Variants in MFHAS1 observed in about 807,000 individuals in gnomAD.
The protein encoded by MFHAS1 is multifunctional ROCO family signaling regulator 1.
A neutral mutation model predicts 70.4 loss-of-function variants in MFHAS1; 50 were observed. The observed-to-expected ratio is 0.71, with a 90% CI of 0.57 to 0.90. The LOEUF is 0.90. Ranked by LOEUF, MFHAS1 falls within the 40% of genes least tolerant of loss-of-function variation. The pLI, the probability that MFHAS1 is intolerant of heterozygous loss-of-function variation, is 0.00. For synonymous variants in MFHAS1, 952 were observed against 620.0 expected, an observed-to-expected ratio of 1.54 and a Z score of -7.96; for missense variants, 1,795 against 1,347.6, an observed-to-expected ratio of 1.33 and a Z score of -5.20.
At chr8:8,841,956 C>G (rs1300129533) in intron 1 of MFHAS1, among the ~76,000 whole-genome samples, 1 of 152,216 alleles carries the variant, frequency 6.6e-6, no homozygotes, top group Admixed American at 6.5e-5. Context: ...ATAAAAACCC[C>G]TACTCAGTCT....
At chr8:8,877,439 G>GTAAT (rs1388927290) in intron 1 of MFHAS1, among the ~76,000 whole-genome samples, 2 of 152,068 alleles carry the variant, frequency 1.3e-5, no homozygotes, top group African/African-American at 4.8e-5. Context: ...CAATAAAATG[G>GTAAT]TAATTGTGTC....
chr8:8,794,840 C>T (rs189853351), intron 2 of MFHAS1, among the ~76,000 whole-genome samples: 196 of 152,252 alleles, frequency 1.3e-3, no homozygotes, highest in Admixed American at 2.0e-3. Flanking sequence ...CATGTACCGC[C>T]GCTTACCCAT....
In MFHAS1 at chr8:8,892,318, G is replaced by C. The variant is rs531594559; in HGVS notation, c.741C>G (p.Cys247Trp). 1 of 1,612,134 alleles carries C rather than the reference G, an allele frequency of 6.2e-7. No homozygotes were observed. The highest frequency in any genetic ancestry group is 8.5e-7 in the Non-Finnish European group (1 of 1,180,002). ...AELGTLPAGF[C>W]ELASLESLML... ...TGAGGCTCTCCAAACTGGCCAGCTC[G>C]CAGAAGCCGGCGGGCAGCGTGCCAA... is the stretch of plus-strand genomic sequence containing the variant. The change falls in exon 1 of 3, where the codon TGC (cysteine) becomes TGG (tryptophan). Residue 247 changes from cysteine to tryptophan, a missense_variant. Transcript: ENST00000276282. The surrounding 1 kb of genome is among the most constrained non-coding windows in gnomAD (Gnocchi z 4.7).
intron 1 of MFHAS1, among the ~76,000 whole-genome samples, chr8:8,878,497 A>T (rs922024551): frequency 7.9e-5 from 12 of 152,196 alleles, no homozygotes; most frequent in African/African-American, 2.4e-4. Flanking sequence ...CTCCAAAAAT[A>T]GGGAGACTGA....
Position 8,891,490 on chromosome 8 carries a change from G to T in MFHAS1, c.1569C>A (p.Val523=). 1 of 1,613,062 alleles carries T rather than the reference G, an allele frequency of 6.2e-7. No individual in the cohort carries two copies. Among genetic ancestry groups the T allele is most frequent in the East Asian group, 2.2e-5 (1 of 44,874 alleles). Residue 523 remains valine, a synonymous_variant, in exon 1 of 3, where the codon GTC becomes GTA. Coordinates refer to ENST00000276282, the MANE Select transcript of MFHAS1 (RefSeq NM_004225.3). This position sits in a 1 kb window ranked among gnomAD's most constrained non-coding sequence, Gnocchi z 5.4. ...CCACCGCGTGGGGCACTCTCGCCCC[G>T]ACCCGATGCAAGAAGGAGCCCACGG... The part of the protein sequence containing the change: ...PTTVGSFLHR[V]GARVPHAVVC...
chr8:8,801,982 G>C (rs1420544968), intron 1 of MFHAS1, among the ~76,000 whole-genome samples: 1 of 152,234 alleles, frequency 6.6e-6, no homozygotes. Flanking sequence ...TATCAGAATG[G>C]AGAACGATGC....
intron 1 of MFHAS1, among the ~76,000 whole-genome samples, chr8:8,870,601 G>C (rs962448091): frequency 6.6e-6 from 1 of 152,094 alleles, no homozygotes; most frequent in Non-Finnish European, 1.5e-5. Context: ...AAGTCCCTAC[G>C]ACTCACCTCC....
chr8:8,830,493 G>A (rs973014399), intron 1 of MFHAS1, among the ~76,000 whole-genome samples: 6 of 152,096 alleles, frequency 3.9e-5, no homozygotes, highest in Non-Finnish European at 7.4e-5. Flanking sequence ...AATTTAAATA[G>A]GACATTAGTG....
At chr8:8,802,211 C>T (rs1806105171) in intron 1 of MFHAS1, among the ~76,000 whole-genome samples, 1 of 152,124 alleles carries the variant, frequency 6.6e-6, no homozygotes, top group Non-Finnish European at 1.5e-5. Context: ...GAAATTGAGG[C>T]TCAGATGCAA....
intron 1 of MFHAS1, among the ~76,000 whole-genome samples, chr8:8,870,233 C>T (rs892301140): frequency 1.4e-5 from 2 of 147,372 alleles, no homozygotes; most frequent in East Asian, 2.0e-4. Context: ...ATGCACAGAT[C>T]ACTTAAGCAC....
At chr8:8,834,854 C>G (rs1439023499) in intron 1 of MFHAS1, among the ~76,000 whole-genome samples, 1 of 152,230 alleles carries the variant, frequency 6.6e-6, no homozygotes, top group African/African-American at 2.4e-5. Context: ...AGTGAACTCA[C>G]AGACATGCCA....
chr8:8,794,241 C>A (rs924963115), intron 2 of MFHAS1, among the ~76,000 whole-genome samples: 1 of 152,060 alleles, frequency 6.6e-6, no homozygotes, highest in African/African-American at 2.4e-5. Context: ...TAAGTTACCT[C>A]GGCTGGAGTT....
chr8:8,783,840 G>C lies in MFHAS1; in HGVS notation c.*2182C>G, dbSNP rs893294681. The C allele has an allele frequency of 6.6e-6, 1 of 152,056 alleles. No homozygotes were observed. The highest frequency in any genetic ancestry group is 1.5e-5 in the Non-Finnish European group (1 of 68,004). The allele number at this position is 152,056 out of a possible 1,614,324, so 9.4% of individuals were successfully genotyped here. A position where few individuals can be genotyped will look rare whatever the true frequency, so the allele number is the denominator to read the frequency against. On this transcript the variant is annotated 3_prime_UTR_variant, in exon 3 of 3. Coordinates refer to ENST00000276282, the MANE Select transcript of MFHAS1 (RefSeq NM_004225.3). Reference sequence around the variant, plus strand: ...AGTCCTGTAGAGCAGAGTGATTTTTGTATCTCCAACCCTCCTCCCAACTTG... The same window carrying C: ...AGTCCTGTAGAGCAGAGTGATTTTTCTATCTCCAACCCTCCTCCCAACTTG...
At chr8:8,880,952 G>C (rs1001191512) in intron 1 of MFHAS1, among the ~76,000 whole-genome samples, 4 of 152,110 alleles carry the variant, frequency 2.6e-5, no homozygotes, top group African/African-American at 7.2e-5. Context: ...CCAAAGTGAT[G>C]TGATTACAGG....
In MFHAS1 at chr8:8,833,727, C is replaced by A. The variant is rs976290815; in HGVS notation, c.2999-36236G>T. On this transcript the variant is annotated intron_variant, in intron 1 of 2. Coordinates refer to ENST00000276282, the MANE Select transcript of MFHAS1 (RefSeq NM_004225.3). ...AATCTTAGAGCAATGACAATATATG[C>A]TTACACAAAGCCTTACATGTGAATG... Among the ~76,000 whole-genome samples, 3 of 152,176 alleles carry A rather than the reference C, an allele frequency of 2.0e-5. No individual in the cohort carries two copies. In the South Asian group the frequency reaches 6.2e-4, roughly 32 times the overall value.
chr8:8,790,678 T>C (rs1345499971), intron 2 of MFHAS1, among the ~76,000 whole-genome samples: 1 of 152,210 alleles, frequency 6.6e-6, no homozygotes, highest in Non-Finnish European at 1.5e-5. Context: ...CTGTGGTCAG[T>C]GAAAAATTCT....
chr8:8,892,970 C>A lies in MFHAS1; in HGVS notation c.89G>T (p.Arg30Leu), dbSNP rs1302518332. Residue 30 changes from arginine to leucine, a missense_variant, in exon 1 of 3, where the codon CGC (arginine) becomes CTC (leucine). By Grantham distance (102) the Arg-to-Leu change is moderately radical. Coordinates refer to ENST00000276282, the MANE Select transcript of MFHAS1 (RefSeq NM_004225.3). The surrounding 1 kb of genome is among the most constrained non-coding windows in gnomAD (Gnocchi z 4.7). ...LRARKLRSNL[R>L]QLTLTAAGAC... ...CCCGGCGGCGGTAAGCGTGAGCTGGCGCAGGTTGCTCCGCAGCTTCCTGGC... is the reference window on the plus strand; with the variant it reads ...CCCGGCGGCGGTAAGCGTGAGCTGGAGCAGGTTGCTCCGCAGCTTCCTGGC... 23 of 1,543,786 alleles carry A rather than the reference C, an allele frequency of 1.5e-5. No homozygotes were observed. Among genetic ancestry groups the A allele is most frequent in the East Asian group, 2.5e-5 (1 of 39,854 alleles).
chr8:8,798,007 T>G (rs964169595), intron 1 of MFHAS1, among the ~76,000 whole-genome samples: 11 of 152,212 alleles, frequency 7.2e-5, no homozygotes, highest in African/African-American at 2.7e-4. Context: ...CCCAGCCTCC[T>G]CTGGGCAAGG....
At chr8:8,813,800 T>C (rs755426161) in intron 1 of MFHAS1, among the ~76,000 whole-genome samples, 37 of 152,160 alleles carry the variant, frequency 2.4e-4, no homozygotes, top group Non-Finnish European at 3.4e-4. Flanking sequence ...GTGGCCTAAA[T>C]GTACAGTGTT....
Sources: allele counts gnomAD v4.1 joint callset (sites outside exome capture counted in the v4.1 genomes callset), GRCh38; gene constraint gnomAD v4.1.1; non-coding constraint Gnocchi (gnomAD v3.1); transcripts MANE v1.5; gene names NCBI Gene and HGNC (gene_info 2026-07-23, HGNC 2026-07-21).